The following SLC14A2 variants were observed in gnomAD, a reference collection of about 807,000 sequenced individuals.
SLC14A2 encodes urea transporter 2.
SLC14A2 carries 91 observed loss-of-function variants against 104.6 expected under a neutral mutation model. The ratio of observed to expected loss-of-function variants is 0.87; its 90% CI spans 0.73 to 1.04. SLC14A2 has a LOEUF of 1.04. Ranked by LOEUF, SLC14A2 falls within the 50% of genes least tolerant of loss-of-function variation. The probability of loss-of-function intolerance (pLI) is 0.00; values close to 1 mark genes in which losing one functional copy is unlikely to be tolerated. For synonymous variants in SLC14A2, 476 were observed against 466.4 expected, an observed-to-expected ratio of 1.02 and a Z score of -0.27; for missense variants, 1,189 against 1,156.0, an observed-to-expected ratio of 1.03 and a Z score of -0.41.
intron 1 of SLC14A2, among the ~76,000 whole-genome samples, chr18:45,327,494 A>G (rs2085247828): frequency 6.6e-6 from 1 of 152,102 alleles, no homozygotes; most frequent in Non-Finnish European, 1.5e-5. Flanking sequence ...CAGAAACCGT[A>G]CTCAAATAGA....
chr18:45,529,033 T>C (rs1292330441), intron 2 of SLC14A2: 3 of 151,994 alleles, frequency 2.0e-5, no homozygotes, highest in Non-Finnish European at 1.5e-5. Context: ...CCACATGGAG[T>C]AAAATCAAGA....
At chr18:45,566,234 A>T (rs1355134654) in intron 2 of SLC14A2, among the ~76,000 whole-genome samples, 2 of 152,186 alleles carry the variant, frequency 1.3e-5, no homozygotes, top group Non-Finnish European at 2.9e-5. Flanking sequence ...TTTACAGACA[A>T]GGAAACTGAG....
chr18:45,461,223 A>T (rs1287561866), intron 1 of SLC14A2, among the ~76,000 whole-genome samples: 3 of 152,188 alleles, frequency 2.0e-5, no homozygotes, highest in Non-Finnish European at 4.4e-5. Context: ...GGTAAACCTA[A>T]GCCTACTAGA....
rs555913552 is a variant in SLC14A2 at position 45,515,914 on chromosome 18, T to C, written c.-35+32592T>C. Among the ~76,000 whole-genome samples, 90 of 152,360 alleles carry C rather than the reference T, an allele frequency of 5.9e-4. 1 individual carries two copies. Among genetic ancestry groups the C allele is most frequent in the African/African-American group, 1.9e-3 (81 of 41,578 alleles). On this transcript the variant is annotated intron_variant, in intron 2 of 20. Transcript: ENST00000586448. ...CCTCCTTGAAGTTATCCATGGAACA[T>C]AGCTTCAAATACCCAAGCCATTGTG...
chr18:45,445,221 C>T (rs2086748174), intron 1 of SLC14A2, among the ~76,000 whole-genome samples: 1 of 149,528 alleles, frequency 6.7e-6, no homozygotes, highest in Non-Finnish European at 1.5e-5. Context: ...AAGCAATTCT[C>T]TTGCCTCAGC....
intron 2 of SLC14A2, among the ~76,000 whole-genome samples, chr18:45,559,101 TTA>T (rs2044170939): frequency 1.3e-5 from 2 of 152,124 alleles, no homozygotes; most frequent in Non-Finnish European, 2.9e-5. Flanking sequence ...TTTGAGTTTC[TTA>T]TGTGTCCAGC....
At chr18:45,574,689 C>T (rs112062422) in intron 2 of SLC14A2, among the ~76,000 whole-genome samples, 10 of 152,322 alleles carry the variant, frequency 6.6e-5, no homozygotes, top group Middle Eastern at 3.4e-3. Context: ...ATGTCAAATA[C>T]GTTTCTTCCT....
At chr18:45,649,352 G>T (rs771362246) in intron 10 of SLC14A2, among the ~76,000 whole-genome samples, 9 of 152,064 alleles carry the variant, frequency 5.9e-5, no homozygotes, top group Non-Finnish European at 1.2e-4. Context: ...TACCTAAAAT[G>T]CTTTTACTTC....
chr18:45,479,891 T>C (rs1458274183), intron 1 of SLC14A2, among the ~76,000 whole-genome samples: 1 of 152,174 alleles, frequency 6.6e-6, no homozygotes, highest in Non-Finnish European at 1.5e-5. Context: ...AAGGATCCTC[T>C]GGGAAATGGA....
chr18:45,661,438 A>G (rs1361147006), intron 10 of SLC14A2, among the ~76,000 whole-genome samples: 1 of 152,232 alleles, frequency 6.6e-6, no homozygotes, highest in Non-Finnish European at 1.5e-5. Context: ...TCTTGCACCA[A>G]ACAGGTCTGT....
At chr18:45,506,697 G>A (rs1194229316) in intron 2 of SLC14A2, among the ~76,000 whole-genome samples, 1 of 152,192 alleles carries the variant, frequency 6.6e-6, no homozygotes, top group African/African-American at 2.4e-5. Flanking sequence ...GCCTCCACAG[G>A]GAGCATGGCC....
intron 1 of SLC14A2, among the ~76,000 whole-genome samples, chr18:45,419,628 G>T (rs1490948276): frequency 1.3e-5 from 2 of 152,128 alleles, no homozygotes; most frequent in African/African-American, 4.8e-5. Context: ...ACAAAAATTA[G>T]TCAGGTGTGG....
At chr18:45,506,778 AC>A (rs2043293482) in intron 2 of SLC14A2, among the ~76,000 whole-genome samples, 1 of 152,216 alleles carries the variant, frequency 6.6e-6, no homozygotes, top group African/African-American at 2.4e-5. Context: ...ATGCTGAAGT[AC>A]CGAGTTTATT....
At chr18:45,455,569 A>C (rs914109081) in intron 1 of SLC14A2, among the ~76,000 whole-genome samples, 1 of 152,020 alleles carries the variant, frequency 6.6e-6, no homozygotes, top group Admixed American at 6.6e-5. Flanking sequence ...GGTGCAGCAA[A>C]CCACCATGGC....
At chr18:45,195,543 T>C in the SLC14A2 span, among the ~76,000 whole-genome samples, 3 of 152,038 alleles carry the variant, frequency 2.0e-5, no homozygotes, top group East Asian at 5.8e-4. Flanking sequence ...AGGCACATGC[T>C]ACCATGCCCA....
chr18:45,367,108 T>C (rs1004302507), intron 1 of SLC14A2, among the ~76,000 whole-genome samples: 2 of 152,206 alleles, frequency 1.3e-5, no homozygotes, highest in Non-Finnish European at 2.9e-5. Flanking sequence ...CAGTTTGGTT[T>C]TATATTTTGG....
At chr18:45,380,522 A>G (rs1038748291) in intron 1 of SLC14A2, among the ~76,000 whole-genome samples, 1 of 152,218 alleles carries the variant, frequency 6.6e-6, no homozygotes, top group Non-Finnish European at 1.5e-5. Flanking sequence ...GGCAATCTCA[A>G]TAAATTATTT....
intron 1 of SLC14A2, among the ~76,000 whole-genome samples, chr18:45,459,018 A>G (rs1424886389): frequency 6.6e-6 from 1 of 152,214 alleles, no homozygotes; most frequent in African/African-American, 2.4e-5. Flanking sequence ...TGGAGGGACA[A>G]TGTGTGGCAG....
intron 1 of SLC14A2, among the ~76,000 whole-genome samples, chr18:45,307,214 C>T (rs1041336672): frequency 1.3e-5 from 2 of 151,836 alleles, no homozygotes; most frequent in Non-Finnish European, 2.9e-5. Context: ...ATCAGGAGTT[C>T]AAAACCAGCC....
Sources: gnomAD v4.1 joint callset for allele counts (sites outside exome capture counted in the v4.1 genomes callset) on GRCh38, gnomAD v4.1.1 for gene constraint, MANE v1.5 for transcripts, NCBI Gene and HGNC (gene_info 2026-07-23, HGNC 2026-07-21) for gene names.